The following NUFIP2 variants were observed in gnomAD, a reference collection of about 807,000 sequenced individuals.
NUFIP2 encodes the protein nuclear FMR1 interacting protein 2.
NUFIP2 carries 6 observed loss-of-function variants against 56.9 expected under a neutral mutation model. The ratio of observed to expected loss-of-function variants is 0.11; its 90% CI spans 0.06 to 0.21. The LOEUF is 0.21. NUFIP2 is among the 10% of genes least tolerant of loss of function. The pLI, the probability that NUFIP2 is intolerant of heterozygous loss-of-function variation, is 1.00. For synonymous variants in NUFIP2, 321 were observed against 298.2 expected, an observed-to-expected ratio of 1.08 and a Z score of -0.79; for missense variants, 828 against 826.8, an observed-to-expected ratio of 1.00 and a Z score of -0.02.
intron 2 of NUFIP2, among the ~76,000 whole-genome samples, chr17:29,278,263 T>C (rs2153011776): frequency 6.6e-6 from 1 of 152,102 alleles, no homozygotes; most frequent in East Asian, 1.9e-4. Context: ...TTATTTTTTT[T>C]TGAGACAGAG....
rs879693008 is a variant in NUFIP2 at position 29,270,525 on chromosome 17, C to CA, written c.2003-2996dup. ...AAGCCTTCTCTTGGTTGACCTACTG[C>CA]AAAAAAAAAAATTGATCCAATACAA... On this transcript the variant is annotated intron_variant, in intron 2 of 3. Coordinates refer to ENST00000225388, the MANE Select transcript of NUFIP2 (RefSeq NM_020772.3). Among the ~76,000 whole-genome samples, 603 of 143,856 alleles carry CA rather than the reference C, an allele frequency of 4.2e-3. 4 individuals carry two copies. The highest frequency in any genetic ancestry group is 6.7e-3 in the Non-Finnish European group (441 of 65,466). The allele number at this position is 143,856 out of a possible 152,430, so 94.4% of individuals were successfully genotyped here.
chr17:29,267,915 T>C (rs934519849), intron 2 of NUFIP2, among the ~76,000 whole-genome samples: 1 of 111,404 alleles, frequency 9.0e-6, no homozygotes, highest in Non-Finnish European at 1.8e-5. Context: ...TTTTGTTTTT[T>C]TGAGACTGAG....
intron 2 of NUFIP2, among the ~76,000 whole-genome samples, chr17:29,270,002 G>A (rs2069062109): frequency 6.6e-6 from 1 of 151,954 alleles, no homozygotes; most frequent in Non-Finnish European, 1.5e-5. Flanking sequence ...TTACAGGTGT[G>A]AGCCACCGCG....
chr17:29,277,986 T>C (rs923622348), intron 2 of NUFIP2, among the ~76,000 whole-genome samples: 5 of 151,850 alleles, frequency 3.3e-5, no homozygotes, highest in Non-Finnish European at 5.9e-5. Context: ...GACTCCAGCC[T>C]GGGCAACGAG....
At chr17:29,290,484 A>C (rs986146527) in intron 1 of NUFIP2, among the ~76,000 whole-genome samples, 1 of 151,246 alleles carries the variant, frequency 6.6e-6, no homozygotes, top group African/African-American at 2.4e-5. Flanking sequence ...GTGAAGTCCT[A>C]TCTCTACTAA....
chr17:29,273,072 C>CGGG (rs1352819718), intron 2 of NUFIP2, among the ~76,000 whole-genome samples: 1 of 151,258 alleles, frequency 6.6e-6, no homozygotes, highest in Non-Finnish European at 1.5e-5. Flanking sequence ...GACAGAGTCT[C>CGGG]ACTGTCACCC....
At chr17:29,285,951 T>G in intron 2 of NUFIP2, 41 bp downstream of exon 2, 1 of 1,443,796 alleles carries the variant, frequency 6.9e-7, no homozygotes, top group African/African-American at 1.4e-5. Context: ...ATATACTAAA[T>G]TGGCCAATAA....
At chr17:29,273,527 G>GACAC (rs1567677608) in intron 2 of NUFIP2, among the ~76,000 whole-genome samples, 1 of 143,638 alleles carries the variant, frequency 7.0e-6, no homozygotes, top group African/African-American at 2.7e-5. Context: ...CACACACACA[G>GACAC]ACACACAGCA....
chr17:29,288,144 C>T (rs1283552403), intron 1 of NUFIP2, among the ~76,000 whole-genome samples: 6 of 152,252 alleles, frequency 3.9e-5, no homozygotes, highest in African/African-American at 4.8e-5. Flanking sequence ...CCCGGGCTCA[C>T]GCCATTCTCC....
chr17:29,273,858 ACTTT>A (rs763415893), intron 2 of NUFIP2, among the ~76,000 whole-genome samples: 4 of 152,202 alleles, frequency 2.6e-5, no homozygotes, highest in Non-Finnish European at 4.4e-5. Flanking sequence ...CCTAGAGCAG[ACTTT>A]CTACATAATA....
At position 29,261,756 on chromosome 17, in the gene NUFIP2, G is replaced by A. The variant is rs927243228; in HGVS notation, c.*2783C>T. On this transcript the variant is annotated 3_prime_UTR_variant, in exon 4 of 4. Transcript: ENST00000225388. ...AGAGATTTGTCCCAAAGTCCTGCTT[G>A]TACCTAGGCAATTAAGTCTATTAAC... 6.6e-6 allele frequency: 1 copy of A among 152,540 alleles called. No individual in the cohort carries two copies. The highest frequency in any genetic ancestry group is 1.5e-5 in the Non-Finnish European group (1 of 68,020). The allele number at this position is 152,540 out of a possible 1,614,324, so 9.4% of individuals were successfully genotyped here. A position where few individuals can be genotyped will look rare whatever the true frequency, so the allele number is the denominator to read the frequency against.
rs370279820 is a variant in NUFIP2, at chr17:29,286,259, T to C, written c.1735A>G (p.Ile579Val). Residue 579 changes from isoleucine to valine, a missense_variant, in exon 2 of 4, where the codon ATT (isoleucine) becomes GTT (valine). Transcript: ENST00000225388. ...KRTSPQVLGS[I>V]LKSGTTSESG... ...TCACTAGTAGTCCCAGATTTTAGAATGCTACCCAGAACTTGAGGACTAGTC... is the reference window on the plus strand; with the variant it reads ...TCACTAGTAGTCCCAGATTTTAGAACGCTACCCAGAACTTGAGGACTAGTC... 1.1e-5 allele frequency: 18 copies of C among 1,614,230 alleles called. No homozygotes were observed. The highest frequency in any genetic ancestry group is 1.5e-5 in the Non-Finnish European group (18 of 1,180,044).
rs576190500 is a variant in NUFIP2, at chr17:29,263,724, G to A, written c.*815C>T. The A allele has an allele frequency of 6.5e-6, 1 of 152,674 alleles. No homozygotes were observed. Among genetic ancestry groups the A allele is most frequent in the South Asian group, 2.1e-4 (1 of 4,826 alleles). 9.5% of individuals were successfully genotyped at this position (152,674 alleles called of 1,614,324 possible). ...ATATTTTTCCAGATTGTATATCTAA[G>A]CCAATTGCTTGTTCTGCAACTTTTC... is the stretch of plus-strand genomic sequence containing the variant. On this transcript the variant is annotated 3_prime_UTR_variant, in exon 4 of 4. Coordinates refer to ENST00000225388, the MANE Select transcript of NUFIP2 (RefSeq NM_020772.3).
intron 1 of NUFIP2, among the ~76,000 whole-genome samples, chr17:29,293,106 G>C (rs548145226): frequency 6.6e-6 from 1 of 151,642 alleles, no homozygotes; most frequent in East Asian, 2.0e-4. Flanking sequence ...TTCCAGCCGC[G>C]CCGGCTCTGG....
intron 3 of NUFIP2, among the ~76,000 whole-genome samples, chr17:29,266,641 C>G (rs2069038668): frequency 6.6e-6 from 1 of 151,880 alleles, no homozygotes; most frequent in Admixed American, 6.6e-5. Context: ...AATTCTTAGG[C>G]TGTTTGTTGT....
In NUFIP2 at chr17:29,262,360, C is replaced by T. The variant is rs148886657; in HGVS notation, c.*2179G>A. ...TGGAGCCTTTTTTCCCTTTAATCAA[C>T]CTTATATGTCTTTTTTTTTAACTTT... On this transcript the variant is annotated 3_prime_UTR_variant, in exon 4 of 4. Transcript: ENST00000225388. 3 of 152,366 alleles carry T rather than the reference C, an allele frequency of 2.0e-5. No individual in the cohort carries two copies. The highest frequency in any genetic ancestry group is 4.4e-5 in the Non-Finnish European group (3 of 67,966). The allele number at this position is 152,366 out of a possible 1,614,324, so 9.4% of individuals were successfully genotyped here.
rs974917650 is a variant in NUFIP2, at chr17:29,258,742, A to C, written c.*5797T>G. 2.0e-5 allele frequency: 3 copies of C among 152,056 alleles called. No homozygotes were observed. Among genetic ancestry groups the C allele is most frequent in the African/African-American group, 4.8e-5 (2 of 41,410 alleles). The allele number at this position is 152,056 out of a possible 1,614,324, so 9.4% of individuals were successfully genotyped here. ...CCAAAAAGAATTTTATAATTCATTC[A>C]CTCTTGTTAGTGGCTGTGCTACAGG... On this transcript the variant is annotated 3_prime_UTR_variant, in exon 4 of 4. Coordinates refer to ENST00000225388, the MANE Select transcript of NUFIP2 (RefSeq NM_020772.3).
rs571856004 is a variant in NUFIP2, at chr17:29,274,520, T to C, written c.2003-6990A>G. On this transcript the variant is annotated intron_variant, in intron 2 of 3. Transcript: ENST00000225388. ...TTTAATTGAACACAGCCACATCCAC[T>C]GTATATGTACCATCTATGACTGCTT... is the stretch of plus-strand genomic sequence containing the variant. 1.7e-4 allele frequency among the ~76,000 whole-genome samples: 26 copies of C among 152,314 alleles called. No homozygotes were observed. The South Asian group carries it at 1.9e-3, about 11-fold the overall frequency.
In NUFIP2 at chr17:29,287,383, C is replaced by T. The variant is rs149062092; in HGVS notation, c.611G>A (p.Gly204Asp). 52 of 1,613,796 alleles carry T rather than the reference C, an allele frequency of 3.2e-5. No homozygotes were observed. Among genetic ancestry groups the T allele is most frequent in the East Asian group, 8.9e-5 (4 of 44,894 alleles). ...NSGYITNGYMGKGADNDGSGS... is the reference protein window; with the variant it reads ...NSGYITNGYMDKGADNDGSGS... ...ACTACCATCATTATCTGCTCCTTTA[C>T]CCATATAACCATTAGTAATATAACC... Residue 204 changes from glycine to aspartate, a missense_variant, in exon 2 of 4, where the codon GGT becomes GAT. By Grantham distance (94) the Gly-to-Asp change is moderately conservative (BLOSUM62 -1). Around this residue, in one of 3 missense-constraint regions of NUFIP2, gnomAD observed 415 missense variants for 408.7 expected, o/e 1.02. Transcript: ENST00000225388.
Sources: allele counts gnomAD v4.1 joint callset (sites outside exome capture counted in the v4.1 genomes callset), GRCh38; gene constraint gnomAD v4.1.1; regional missense constraint gnomAD v4.1.1; transcripts MANE v1.5; gene names NCBI Gene and HGNC (gene_info 2026-07-23, HGNC 2026-07-21).